Variants in IL16 observed in about 807,000 individuals in gnomAD.
The protein encoded by IL16 is pro-interleukin-16.
In IL16, 67 loss-of-function variants were observed where a neutral mutation model predicts 110.1. The observed-to-expected ratio is 0.61, with a 90% CI of 0.50 to 0.75. The LOEUF is 0.75. Ranked by LOEUF, IL16 falls within the 30% of genes least tolerant of loss-of-function variation. The pLI, the probability that IL16 is intolerant of heterozygous loss-of-function variation, is 0.00. For synonymous variants in IL16, 689 were observed against 662.9 expected, an observed-to-expected ratio of 1.04 and a Z score of -0.61; for missense variants, 1,545 against 1,655.0, an observed-to-expected ratio of 0.93 and a Z score of 1.15.
intron 2 of IL16, among the ~76,000 whole-genome samples, chr15:81,249,896 T>C (rs1897706350): frequency 6.6e-6 from 1 of 152,172 alleles, no homozygotes; most frequent in Non-Finnish European, 1.5e-5. Flanking sequence ...TTGTTAGATA[T>C]ATATTCCAAT....
chr15:81,282,450 T>C (rs1475789127), intron 8 of IL16, among the ~76,000 whole-genome samples, 189 bp from the exon 9 acceptor site: 4 of 152,204 alleles, frequency 2.6e-5, no homozygotes, highest in Admixed American at 2.0e-4. Context: ...CTTTCCCCAC[T>C]ATTCCTTGCC....
At chr15:81,262,657 C>T (rs1301856068) in intron 3 of IL16, among the ~76,000 whole-genome samples, 2 of 152,178 alleles carry the variant, frequency 1.3e-5, no homozygotes, top group African/African-American at 2.4e-5. Context: ...TAAGGCCGGG[C>T]GCAGTGGCTC....
intron 2 of IL16, among the ~76,000 whole-genome samples, chr15:81,228,932 A>G (rs1896880759): frequency 1.3e-5 from 2 of 152,176 alleles, no homozygotes; most frequent in Admixed American, 1.3e-4. Flanking sequence ...TAAAAATAGT[A>G]TATATCTCAT....
rs748935965 is a variant in IL16 at position 81,225,301 on chromosome 15, A to C, written c.-99A>C. 2 of 1,530,848 alleles carry C rather than the reference A, an allele frequency of 1.3e-6. No homozygotes were observed. The highest frequency in any genetic ancestry group is 1.7e-6 in the Non-Finnish European group (2 of 1,142,970). The allele number at this position is 1,530,848 out of a possible 1,614,324, so 94.8% of individuals were successfully genotyped here. ...TTCCCATTTCCTCTTTCCTCTAGGGACTCATGAAGTGGCAGCTAAGCCCTG... is the reference window on the plus strand; with the variant it reads ...TTCCCATTTCCTCTTTCCTCTAGGGCCTCATGAAGTGGCAGCTAAGCCCTG... On this transcript the variant is annotated splice_region_variant and 5_prime_UTR_variant, in exon 2 of 19. Coordinates refer to ENST00000683961, the MANE Select transcript of IL16 (RefSeq NM_172217.5).
intron 10 of IL16, among the ~76,000 whole-genome samples, chr15:81,286,893 C>T (rs1337810110): frequency 6.6e-6 from 1 of 152,172 alleles, no homozygotes; most frequent in Non-Finnish European, 1.5e-5. Flanking sequence ...AGGTGAAAGG[C>T]ATGTCTTACA....
chr15:81,254,042 C>T (rs1269698776), intron 2 of IL16, among the ~76,000 whole-genome samples: 3 of 152,084 alleles, frequency 2.0e-5, no homozygotes, highest in Non-Finnish European at 2.9e-5. Flanking sequence ...AGCCTGTAGC[C>T]GTATGATCAA....
intron 6 of IL16, among the ~76,000 whole-genome samples, chr15:81,275,223 C>G (rs1898844014): frequency 6.6e-6 from 1 of 151,110 alleles, no homozygotes; most frequent in South Asian, 2.1e-4. Flanking sequence ...CCCTGGATGA[C>G]CACGAGATGG....
intron 2 of IL16, among the ~76,000 whole-genome samples, chr15:81,238,189 A>C (rs1045990179): frequency 4.6e-4 from 70 of 152,252 alleles, no homozygotes; most frequent in African/African-American, 1.6e-3. Context: ...GGCGTGAGCC[A>C]CTGCGCCCGG....
chr15:81,295,385 A>G (rs1899935505), intron 12 of IL16: 2 of 1,256,160 alleles, frequency 1.6e-6, no homozygotes, highest in African/African-American at 1.5e-5. Context: ...TGTGTTGATG[A>G]AAAGACAAAA....
chr15:81,285,712 T>C lies in IL16; in HGVS notation c.1214T>C (p.Ile405Thr). ...LDGRLRCGDE[I>T]VEISDSPVHC... ...TGCTTGCACAGGTGTGGGGACGAGA[T>C]TGTGGAAATCAGTGATTCCCCTGTG... The change falls in exon 10 of 19, where the codon ATT becomes ACT. Residue 405 changes from isoleucine (I) to threonine (T), a missense_variant. Physicochemically the swap from Ile to Thr is moderately conservative, Grantham distance 89 (BLOSUM62 -1). Around this residue, in one of 3 missense-constraint regions of IL16, gnomAD observed 1,185 missense variants for 1,238.8 expected, o/e 0.96. Transcript: ENST00000683961. 6.2e-7 allele frequency: 1 copy of C among 1,614,182 alleles called. No homozygotes were observed. The highest frequency in any genetic ancestry group is 1.1e-5 in the South Asian group (1 of 91,082).
At chr15:81,289,711 A>G (rs1320737648) in intron 10 of IL16, among the ~76,000 whole-genome samples, 3 of 152,188 alleles carry the variant, frequency 2.0e-5, no homozygotes. Flanking sequence ...TGATTTGCGA[A>G]TATTTTCTCC....
chr15:81,238,348 C>T (rs374182670), intron 2 of IL16, among the ~76,000 whole-genome samples: 167 of 152,098 alleles, frequency 1.1e-3, no homozygotes, highest in African/African-American at 3.6e-3. Context: ...TTTTGCCATC[C>T]GGTGTAATCC....
intron 2 of IL16, among the ~76,000 whole-genome samples, chr15:81,249,304 T>C (rs1415140763): frequency 6.6e-6 from 1 of 152,210 alleles, no homozygotes; most frequent in Non-Finnish European, 1.5e-5. Flanking sequence ...TCATCATTCT[T>C]TGCCTCACAG....
chr15:81,206,484 C>A (rs1220569362), intron 1 of IL16, among the ~76,000 whole-genome samples: 1 of 152,200 alleles, frequency 6.6e-6, no homozygotes, highest in East Asian at 1.9e-4. Flanking sequence ...TGAATATATA[C>A]ATATTTGAAA....
intron 2 of IL16, among the ~76,000 whole-genome samples, chr15:81,230,385 C>G (rs534525567): frequency 6.6e-5 from 10 of 152,296 alleles, no homozygotes; most frequent in African/African-American, 2.4e-4. Context: ...AGGTCAAACT[C>G]TCCCTCTCCT....
At chr15:81,183,620 T>C (rs988560141) in intron 1 of IL16, among the ~76,000 whole-genome samples, 5 of 152,234 alleles carry the variant, frequency 3.3e-5, no homozygotes, top group Non-Finnish European at 5.9e-5. Flanking sequence ...AAAGGAGAAG[T>C]AAGCAAGTCA....
chr15:81,205,144 A>G (rs1895969104), intron 1 of IL16, among the ~76,000 whole-genome samples: 1 of 152,028 alleles, frequency 6.6e-6, no homozygotes, highest in South Asian at 2.1e-4. Flanking sequence ...CATCTGTACT[A>G]AAAATACAAA....
chr15:81,246,787 A>G (rs1441824192), intron 2 of IL16, among the ~76,000 whole-genome samples: 1 of 152,174 alleles, frequency 6.6e-6, no homozygotes, highest in Non-Finnish European at 1.5e-5. Context: ...TCAATGATTT[A>G]TAGAACTTAC....
Position 81,252,047 on chromosome 15 carries a change from G to C in IL16, c.313-7725G>C, listed in dbSNP as rs544842255. 3.9e-5 allele frequency among the ~76,000 whole-genome samples: 6 copies of C among 152,186 alleles called. No homozygotes were observed. The South Asian group carries it at 1.0e-3, about 26-fold the overall frequency. On this transcript the variant is annotated intron_variant, in intron 2 of 18. Transcript: ENST00000683961. ...TTTAATCCTTCCTAGGGTCTGATTG[G>C]TGGAGAAGTCCATGGTTTTCTCAGG...
Sources: allele counts gnomAD v4.1 joint callset (sites outside exome capture counted in the v4.1 genomes callset), GRCh38; gene constraint gnomAD v4.1.1; regional missense constraint gnomAD v4.1.1; transcripts MANE v1.5; gene names NCBI Gene and HGNC (gene_info 2026-07-23, HGNC 2026-07-21).